The following ANO4 variants were observed in gnomAD, a reference collection of about 807,000 sequenced individuals.
ANO4 encodes anoctamin 4.
ANO4 carries 69 observed loss-of-function variants against 141.9 expected under a neutral mutation model. The observed-to-expected ratio is 0.49, with a 90% CI of 0.40 to 0.59. The LOEUF (loss-of-function observed/expected upper bound fraction) is 0.59, where lower values mean the gene tolerates loss of function less well. Among genes scored for constraint, ANO4 ranks in the 20% least tolerant of loss-of-function variants. ANO4 has a pLI of 0.00. For missense variants in ANO4, 894 were observed against 1,162.2 expected (o/e 0.77, Z 3.36); for synonymous variants, 350 against 394.3 (o/e 0.89, Z 1.33).
chr12:101,001,312 G>C (rs1039117764), intron 8 of ANO4, among the ~76,000 whole-genome samples: 10 of 152,210 alleles, frequency 6.6e-5, no homozygotes, highest in African/African-American at 2.2e-4. Flanking sequence ...CAACAGTGGT[G>C]AGAGGAGACA....
intron 2 of ANO4, among the ~76,000 whole-genome samples, chr12:100,906,709 G>A (rs950810833): frequency 6.6e-6 from 1 of 152,162 alleles, no homozygotes; most frequent in African/African-American, 2.4e-5. Flanking sequence ...CAGGTAGCAG[G>A]AGAGTACAAA....
rs148482191 is a variant in ANO4, at chr12:101,052,007, T to G, written c.1312+3606T>G. 2.7e-3 allele frequency among the ~76,000 whole-genome samples: 404 copies of G among 152,238 alleles called. 2 individuals are homozygous for G. The highest frequency in any genetic ancestry group is 9.3e-3 in the African/African-American group (386 of 41,542). ...TTAAAGAAAACAAATGCACTCTATT[T>G]TCAGGAAATTGCTAGATATGGAGCT... On this transcript the variant is annotated intron_variant, in intron 14 of 27. Coordinates refer to ENST00000392977, the MANE Select transcript of ANO4 (RefSeq NM_001286615.2).
At chr12:101,024,667 A>T (rs1252835099) in intron 9 of ANO4, among the ~76,000 whole-genome samples, 2 of 151,934 alleles carry the variant, frequency 1.3e-5, no homozygotes, top group Non-Finnish European at 2.9e-5. Context: ...AACATCTGGG[A>T]TGTTTGAAAG....
intron 8 of ANO4, among the ~76,000 whole-genome samples, chr12:101,010,142 G>A (rs2046025012): frequency 6.6e-6 from 1 of 151,994 alleles, no homozygotes; most frequent in Non-Finnish European, 1.5e-5. Flanking sequence ...CTGTTGTTTT[G>A]TGCTATCTTT....
At chr12:100,743,545 A>G (rs138198540) in intron 3 of ANO4, among the ~76,000 whole-genome samples, 23 of 152,264 alleles carry the variant, frequency 1.5e-4, no homozygotes, top group African/African-American at 5.5e-4. Context: ...AAAAGTTGCT[A>G]CTAGATACTG....
chr12:101,021,388 C>T lies in ANO4; in HGVS notation c.841+1248C>T, dbSNP rs537386229. On this transcript the variant is annotated intron_variant, in intron 9 of 27. Coordinates refer to ENST00000392977, the MANE Select transcript of ANO4 (RefSeq NM_001286615.2). ...GCCTGCTGAGATATCATACTGGTAT[C>T]AGGAAGAGAAACCCCTTCCTCCTCC... is the stretch of plus-strand genomic sequence containing the variant. Among the ~76,000 whole-genome samples, 4 of 152,300 alleles carry T rather than the reference C, an allele frequency of 2.6e-5. No individual in the cohort carries two copies. The South Asian group carries it at 8.3e-4, about 32-fold the overall frequency.
chr12:100,941,793 G>A (rs2042523894), intron 4 of ANO4, among the ~76,000 whole-genome samples: 1 of 151,860 alleles, frequency 6.6e-6, no homozygotes, highest in African/African-American at 2.4e-5. Flanking sequence ...CATCTCACCT[G>A]CAGGATATGA....
At chr12:100,841,502 A>G (rs546294317) in intron 1 of ANO4, among the ~76,000 whole-genome samples, 1 of 152,282 alleles carries the variant, frequency 6.6e-6, no homozygotes, top group Admixed American at 6.5e-5. Flanking sequence ...ACAAAGAAAG[A>G]TGAAGCTGGG....
intron 9 of ANO4, among the ~76,000 whole-genome samples, chr12:101,025,024 A>T (rs1200046768): frequency 2.0e-5 from 3 of 152,224 alleles, no homozygotes; most frequent in Non-Finnish European, 1.5e-5. Flanking sequence ...CACTTGAGAA[A>T]TTATGATAAT....
intron 1 of ANO4, chr12:100,733,624 C>T (rs1041730453): frequency 3.8e-5 from 21 of 546,026 alleles, no homozygotes; most frequent in Admixed American, 2.4e-4. Flanking sequence ...TCTCCCTAAA[C>T]GTTGATGGGT....
intron 5 of ANO4, among the ~76,000 whole-genome samples, chr12:100,958,892 G>A (rs748563191): frequency 6.6e-6 from 1 of 152,074 alleles, no homozygotes; most frequent in African/African-American, 2.4e-5. Flanking sequence ...AAATGACATG[G>A]CACAAGAAAA....
In ANO4 at chr12:101,110,479, T is replaced by C; in HGVS notation, c.2225T>C (p.Ile742Thr). 3 of 1,612,318 alleles carry C rather than the reference T, an allele frequency of 1.9e-6. No individual in the cohort carries two copies. The highest frequency in any genetic ancestry group is 2.2e-5 in the South Asian group (2 of 90,554). Residue 742 changes from isoleucine to threonine, a missense_variant, in exon 23 of 28, where the codon ATA (isoleucine) becomes ACA (threonine). Physicochemically the swap from Ile to Thr is moderately conservative, Grantham distance 89. This residue lies in a region of ANO4 where 637 missense variants were observed against 909.2 expected (regional missense o/e 0.70). Coordinates refer to ENST00000392977, the MANE Select transcript of ANO4 (RefSeq NM_001286615.2). The part of the protein sequence containing the change: ...LAPLLALLNN[I>T]IEIRLDAYKF... ...CCACTTCTGGCCTTACTGAATAACATAATTGAAATTCGACTTGATGCTTAC... is the reference window on the plus strand; with the variant it reads ...CCACTTCTGGCCTTACTGAATAACACAATTGAAATTCGACTTGATGCTTAC...
rs189327387 is a variant in ANO4, at chr12:100,775,056, A to T, written c.358+34951A>T. Among the ~76,000 whole-genome samples the T allele has an allele frequency of 1.6e-4, 24 of 152,350 alleles. No individual in the cohort carries two copies. In the East Asian group the frequency reaches 2.7e-3, roughly 17 times the overall value. ...GAGAATTGTAATCTGAGAAAGAGAT[A>T]CACCATTCAAAGCCTGATTACACTG... On this transcript the variant is annotated intron_variant, in intron 3 of 29. Coordinates refer to the ANO4 transcript ENST00000644049.
intron 11 of ANO4, 90 bp downstream of exon 11, chr12:101,040,166 G>T (rs954417553): frequency 6.8e-7 from 1 of 1,471,716 alleles, no homozygotes; most frequent in Non-Finnish European, 9.1e-7. Context: ...GAAGCAAAAA[G>T]AGCCTGAAGT....
intron 14 of ANO4, chr12:101,066,973 T>G (rs2048615900): frequency 3.0e-6 from 2 of 677,384 alleles, no homozygotes; most frequent in Non-Finnish European, 2.7e-6. Flanking sequence ...ACACTCTTCA[T>G]GTACCCTAGA....
intron 3 of ANO4, among the ~76,000 whole-genome samples, chr12:100,751,878 T>A (rs1195919091): frequency 6.6e-6 from 1 of 152,140 alleles, no homozygotes; most frequent in East Asian, 1.9e-4. Context: ...AGACTGAGGA[T>A]GTGGTAGTAA....
chr12:100,905,949 T>C (rs2136045358), intron 2 of ANO4, among the ~76,000 whole-genome samples: 1 of 152,238 alleles, frequency 6.6e-6, no homozygotes, highest in Non-Finnish European at 1.5e-5. Flanking sequence ...TTATCTTTAA[T>C]GTGAGAAGCA....
chr12:100,746,070 G>A (rs1434279230), intron 3 of ANO4, among the ~76,000 whole-genome samples: 1 of 152,140 alleles, frequency 6.6e-6, no homozygotes, highest in African/African-American at 2.4e-5. Context: ...GGAGAGGGAG[G>A]TCAGCATAAG....
At chr12:101,115,007 C>T (rs1050953994) in intron 24 of ANO4, among the ~76,000 whole-genome samples, 4 of 152,018 alleles carry the variant, frequency 2.6e-5, no homozygotes, top group Admixed American at 1.3e-4. Context: ...ACATGCAGAA[C>T]CCATGTGTTC....
Sources: allele counts gnomAD v4.1 joint callset (sites outside exome capture counted in the v4.1 genomes callset), GRCh38; gene constraint gnomAD v4.1.1; regional missense constraint gnomAD v4.1.1; transcripts MANE v1.5; gene names NCBI Gene and HGNC (gene_info 2026-07-23, HGNC 2026-07-21).